The following NOP58 variants were observed in gnomAD, a reference collection of about 807,000 sequenced individuals.
NOP58 encodes nucleolar protein 58.
A neutral mutation model predicts 71.2 loss-of-function variants in NOP58; 44 were observed. The observed-to-expected ratio is 0.62, with a 90% CI of 0.49 to 0.79. The LOEUF is 0.79. Ranked by LOEUF, NOP58 falls within the 30% of genes least tolerant of loss-of-function variation. The probability of loss-of-function intolerance (pLI) is 0.00; values close to 1 mark genes in which losing one functional copy is unlikely to be tolerated. For missense variants in NOP58, 538 were observed against 620.2 expected, an observed-to-expected ratio of 0.87 and a Z score of 1.41; for synonymous variants, 228 against 200.3, an observed-to-expected ratio of 1.14 and a Z score of -1.17.
At chr2:202,282,988 A>G (rs1046346341) in intron 4 of NOP58, among the ~76,000 whole-genome samples, 1 of 152,122 alleles carries the variant, frequency 6.6e-6, no homozygotes, top group Non-Finnish European at 1.5e-5. Context: ...CCAAGGTAGG[A>G]GTATCACGAG....
At chr2:202,292,716 A>G in intron 8 of NOP58, 61 bp from the exon 9 acceptor site, 1 of 1,406,230 alleles carries the variant, frequency 7.1e-7, no homozygotes, top group Non-Finnish European at 1.0e-6. Context: ...TGTTTTAGAC[A>G]GGAATTTTTA....
At chr2:202,270,101 C>T (rs531755920) in intron 1 of NOP58, among the ~76,000 whole-genome samples, 3 of 152,318 alleles carry the variant, frequency 2.0e-5, no homozygotes, top group African/African-American at 7.2e-5. Flanking sequence ...ACTTTACATA[C>T]TGTATAACTC....
chr2:202,293,586 C>CT (rs748393723), intron 9 of NOP58, among the ~76,000 whole-genome samples: 13 of 151,184 alleles, frequency 8.6e-5, no homozygotes, highest in East Asian at 1.9e-4. Flanking sequence ...GGCATAACTC[C>CT]TTTTTTTTTG....
At chr2:202,295,875 CTT>C (rs754578108) in intron 10 of NOP58, 38 bp downstream of exon 10, 1 of 1,475,816 alleles carries the variant, frequency 6.8e-7, no homozygotes, top group Non-Finnish European at 9.0e-7. Context: ...TGAGGTTAGA[CTT>C]TTTCATTTTT....
Position 202,283,586 on chromosome 2 carries a change from A to G in NOP58, c.298-759A>G, listed in dbSNP as rs373817110. On this transcript the variant is annotated intron_variant, in intron 4 of 14. Coordinates refer to ENST00000264279, the MANE Select transcript of NOP58 (RefSeq NM_015934.5). Reference sequence around the variant, plus strand: ...CTCCCGAGTAGCTGGGACTATAGGCACCTGCCACCACACCCGGCTAATTTT... The same window carrying G: ...CTCCCGAGTAGCTGGGACTATAGGCGCCTGCCACCACACCCGGCTAATTTT... Among the ~76,000 whole-genome samples the G allele has an allele frequency of 3.0e-4, 45 of 151,760 alleles. No individual in the cohort carries two copies. In the East Asian group the frequency reaches 8.8e-3, roughly 30 times the overall value.
chr2:202,297,029 G>T (rs1323691411), intron 10 of NOP58, among the ~76,000 whole-genome samples: 1 of 152,090 alleles, frequency 6.6e-6, no homozygotes, highest in African/African-American at 2.4e-5. Flanking sequence ...CACCGCGCTC[G>T]GCCAGAACCC....
At position 202,290,550 on chromosome 2, in the gene NOP58, C is replaced by A. The variant is rs1175631887; in HGVS notation, c.634+93C>A. The A allele has an allele frequency of 1.9e-5, 22 of 1,175,628 alleles. No homozygotes were observed. In the Admixed American group the frequency reaches 4.5e-4, roughly 24 times the overall value. The allele number at this position is 1,175,628 out of a possible 1,614,324, so 72.8% of individuals were successfully genotyped here. On this transcript the variant is annotated intron_variant, in intron 7 of 14. Coordinates refer to ENST00000264279, the MANE Select transcript of NOP58 (RefSeq NM_015934.5). ...GTATAGCATTTTGTTAAGCAAGATTCCCAGGGTTTTTGCAATTTCTGTGTA... is the reference window on the plus strand; with the variant it reads ...GTATAGCATTTTGTTAAGCAAGATTACCAGGGTTTTTGCAATTTCTGTGTA...
At chr2:202,267,442 GTTTTTACC>G (rs1688436275) in intron 1 of NOP58, among the ~76,000 whole-genome samples, 1 of 152,100 alleles carries the variant, frequency 6.6e-6, no homozygotes, top group Non-Finnish European at 1.5e-5. Context: ...AGTTTTGCTT[GTTTTTACC>G]TTAGTTGGAG....
chr2:202,282,995 C>T (rs769545078), intron 4 of NOP58, among the ~76,000 whole-genome samples: 17 of 152,112 alleles, frequency 1.1e-4, no homozygotes, highest in Non-Finnish European at 1.8e-4. Context: ...AGGAGTATCA[C>T]GAGGTCAGCA....
chr2:202,298,952 A>ATTTT (rs3043921), intron 12 of NOP58, among the ~76,000 whole-genome samples: 17 of 81,462 alleles, frequency 2.1e-4, no homozygotes, highest in Non-Finnish European at 2.3e-4. Flanking sequence ...ATCCTTCAAG[A>ATTTT]TTTTTTTTTT....
intron 1 of NOP58, among the ~76,000 whole-genome samples, chr2:202,268,306 C>G (rs191388235): frequency 7.2e-4 from 109 of 151,888 alleles, no homozygotes; most frequent in African/African-American, 2.5e-3. Context: ...AGGCCGAGGC[C>G]GGCGGATCAC....
intron 5 of NOP58, chr2:202,284,726 C>T (rs1465371588): frequency 3.4e-5 from 14 of 409,232 alleles, no homozygotes; most frequent in African/African-American, 2.0e-5. Flanking sequence ...ACCTTAAAAC[C>T]TCATCAAAGG....
intron 3 of NOP58, among the ~76,000 whole-genome samples, chr2:202,280,294 T>C (rs2105842979): frequency 6.6e-6 from 1 of 152,198 alleles, no homozygotes; most frequent in African/African-American, 2.4e-5. Flanking sequence ...AAGATCAGCC[T>C]GGGCAATATA....
intron 8 of NOP58, among the ~76,000 whole-genome samples, chr2:202,291,806 CAAAAAAAAAA>C (rs1161178890): frequency 2.1e-4 from 9 of 41,900 alleles, no homozygotes; most frequent in South Asian, 2.6e-3. Flanking sequence ...AACTCCATCT[CAAAAAAAAAA>C]AAAAAAAAAA....
At position 202,299,842 on chromosome 2, in the gene NOP58, CTT is replaced by C. The variant is rs57184037; in HGVS notation, c.1269-375_1269-374del. On this transcript the variant is annotated intron_variant, in intron 12 of 14. Transcript: ENST00000264279. The stretch of plus-strand genomic sequence containing the variant: ...AGCTTGGTTTAGATTTTTTGTTCTG[CTT>C]TTTTTTTTTTTTTTTTCCCCCATTG... 2.1e-3 allele frequency: 269 copies of C among 127,172 alleles called. 1 individual carries two copies. The highest frequency in any genetic ancestry group is 4.4e-3 in the South Asian group (18 of 4,054). 7.9% of individuals were successfully genotyped at this position (127,172 alleles called of 1,614,324 possible). A position where few individuals can be genotyped will look rare whatever the true frequency, so the allele number is the denominator to read the frequency against.
intron 5 of NOP58, among the ~76,000 whole-genome samples, chr2:202,284,881 G>C (rs961262830): frequency 6.6e-6 from 1 of 152,074 alleles, no homozygotes; most frequent in South Asian, 2.1e-4. Flanking sequence ...GTGTGTATTT[G>C]TGTTTTCATT....
intron 4 of NOP58, among the ~76,000 whole-genome samples, chr2:202,283,598 A>C (rs1688743575): frequency 1.3e-5 from 2 of 151,012 alleles, no homozygotes; most frequent in Admixed American, 1.3e-4. Context: ...CTGCCACCAC[A>C]CCCGGCTAAT....
chr2:202,282,805 T>A (rs1400456191), intron 4 of NOP58, among the ~76,000 whole-genome samples: 1 of 152,220 alleles, frequency 6.6e-6, no homozygotes, highest in African/African-American at 2.4e-5. Flanking sequence ...TCCTTATATT[T>A]TTTAGAAATA....
intron 9 of NOP58, among the ~76,000 whole-genome samples, chr2:202,294,513 A>G (rs1448914183): frequency 2.0e-5 from 3 of 152,142 alleles, no homozygotes; most frequent in Non-Finnish European, 4.4e-5. Flanking sequence ...GATGTATTCT[A>G]AGCTCCCCCC....
Sources: allele counts gnomAD v4.1 joint callset (sites outside exome capture counted in the v4.1 genomes callset), GRCh38; gene constraint gnomAD v4.1.1; transcripts MANE v1.5; gene names NCBI Gene and HGNC (gene_info 2026-07-23, HGNC 2026-07-21).